The following ZNF385D variants were observed in gnomAD, a reference collection of about 807,000 sequenced individuals.
ZNF385D encodes the protein zinc finger protein 385D.
Under a neutral mutation model 35.8 loss-of-function variants are expected in ZNF385D, and 15 were observed. The observed-to-expected ratio is 0.42, with a 90% CI of 0.28 to 0.64. ZNF385D has a LOEUF of 0.64. Ranked by LOEUF, ZNF385D falls within the 30% of genes least tolerant of loss-of-function variation. The pLI, the probability that ZNF385D is intolerant of heterozygous loss-of-function variation, is 0.23. For missense variants in ZNF385D, 474 were observed against 494.6 expected (o/e 0.96, Z 0.39); for synonymous variants, 212 against 186.8 (o/e 1.13, Z -1.10).
At chr3:22,025,627 G>A (rs1186387683) in intron 3 of ZNF385D, among the ~76,000 whole-genome samples, 1 of 152,122 alleles carries the variant, frequency 6.6e-6, no homozygotes, top group Non-Finnish European at 1.5e-5. Context: ...TTATTTGCTT[G>A]GTTAGCTGAA....
chr3:21,702,019 C>T (rs2125384594), intron 1 of ZNF385D, among the ~76,000 whole-genome samples: 1 of 152,206 alleles, frequency 6.6e-6, no homozygotes, highest in Middle Eastern at 3.4e-3. Context: ...GGTGGATATG[C>T]CATTCTCGGA....
At chr3:21,959,115 A>C (rs3821388) in intron 3 of ZNF385D, among the ~76,000 whole-genome samples, 103,951 of 152,062 alleles carry the variant, frequency 0.68, 36,688 homozygotes, top group Non-Finnish European at 0.77. Context: ...CATAAATGTC[A>C]TTGCACTTAA....
intron 2 of ZNF385D, among the ~76,000 whole-genome samples, chr3:21,614,380 A>AT (rs919398554): frequency 6.6e-6 from 1 of 152,184 alleles, no homozygotes; most frequent in African/African-American, 2.4e-5. Context: ...TAAGGAGCTC[A>AT]TTTCAATTTA....
chr3:22,178,639 A>G (rs1313833259), intron 2 of ZNF385D, among the ~76,000 whole-genome samples: 2 of 152,130 alleles, frequency 1.3e-5, no homozygotes, highest in Admixed American at 6.6e-5. Flanking sequence ...TTGGTGTTTT[A>G]GACATGAAGT....
chr3:21,779,408 AG>A (rs796871559), intron 3 of ZNF385D, among the ~76,000 whole-genome samples: 3 of 152,022 alleles, frequency 2.0e-5, no homozygotes, highest in African/African-American at 4.8e-5. Context: ...TAAAAATGTG[AG>A]GAAAAAAACA....
intron 1 of ZNF385D, among the ~76,000 whole-genome samples, chr3:21,737,840 G>C (rs749212898): frequency 6.6e-6 from 1 of 152,178 alleles, no homozygotes; most frequent in Non-Finnish European, 1.5e-5. Context: ...AAAGAAGACT[G>C]TTGCTCCATT....
intron 1 of ZNF385D, among the ~76,000 whole-genome samples, chr3:21,690,594 T>C (rs11710740): frequency 0.071 from 10,737 of 152,238 alleles, 469 homozygotes; most frequent in East Asian, 0.12. Flanking sequence ...CAGAGTCCTC[T>C]TTCTTTATCT....
At chr3:21,529,263 T>A (rs1436733105) in intron 3 of ZNF385D, among the ~76,000 whole-genome samples, 2 of 152,158 alleles carry the variant, frequency 1.3e-5, no homozygotes, top group African/African-American at 4.8e-5. Context: ...CACAGTGCAA[T>A]CGAATTTTGG....
chr3:21,685,425 G>T (rs1308679746), intron 1 of ZNF385D, among the ~76,000 whole-genome samples: 1 of 152,240 alleles, frequency 6.6e-6, no homozygotes, highest in East Asian at 1.9e-4. Flanking sequence ...AGCAGAAGTG[G>T]CAGACTCGTA....
intron 3 of ZNF385D, among the ~76,000 whole-genome samples, chr3:21,835,345 C>G (rs1695266662): frequency 6.6e-6 from 1 of 151,696 alleles, no homozygotes; most frequent in Admixed American, 6.6e-5. Flanking sequence ...GGCTCACGAT[C>G]CTTCCATTGT....
intron 4 of ZNF385D, among the ~76,000 whole-genome samples, chr3:21,452,220 C>T (rs1702502460): frequency 6.6e-6 from 1 of 151,992 alleles, no homozygotes. Context: ...TAACTGTAAT[C>T]ATTTAAAACA....
intron 3 of ZNF385D, among the ~76,000 whole-genome samples, chr3:22,149,554 T>C (rs1263706462): frequency 6.6e-6 from 1 of 152,184 alleles, no homozygotes; most frequent in Non-Finnish European, 1.5e-5. Context: ...ATAATTGAAT[T>C]TCACCAGGTA....
At chr3:21,744,269 G>T (rs565854549) in intron 1 of ZNF385D, among the ~76,000 whole-genome samples, 1 of 152,284 alleles carries the variant, frequency 6.6e-6, no homozygotes, top group Admixed American at 6.5e-5. Context: ...AATACAAATT[G>T]CTATACAAGT....
intron 3 of ZNF385D, among the ~76,000 whole-genome samples, chr3:22,160,553 G>C (rs1230231526): frequency 6.6e-6 from 1 of 151,972 alleles, no homozygotes; most frequent in Non-Finnish European, 1.5e-5. Flanking sequence ...ATCTTCTGGG[G>C]CAATCAATGG....
intron 3 of ZNF385D, among the ~76,000 whole-genome samples, chr3:22,040,599 G>C (rs34120404): frequency 0.051 from 7,774 of 152,278 alleles, 276 homozygotes; most frequent in Middle Eastern, 0.13. Flanking sequence ...TATTAAATGT[G>C]TAGTCTCAGA....
intron 2 of ZNF385D, among the ~76,000 whole-genome samples, chr3:22,303,934 C>T (rs929143767): frequency 1.1e-4 from 16 of 152,180 alleles, no homozygotes; most frequent in African/African-American, 2.2e-4. Context: ...TGTGCCACCA[C>T]GCCCGGCTAA....
At chr3:21,640,303 A>C (rs538104384) in intron 2 of ZNF385D, among the ~76,000 whole-genome samples, 132 of 152,218 alleles carry the variant, frequency 8.7e-4, no homozygotes, top group South Asian at 2.1e-3. Flanking sequence ...TGACTAAAGA[A>C]AAGTGTGAAA....
chr3:22,334,931 T>C (rs73039283), intron 2 of ZNF385D, among the ~76,000 whole-genome samples: 2,783 of 152,238 alleles, frequency 0.018, 58 homozygotes, highest in Non-Finnish European at 0.025. Flanking sequence ...TTCATGATAG[T>C]TTTCAATATC....
intron 2 of ZNF385D, among the ~76,000 whole-genome samples, chr3:22,289,531 C>T (rs1477197200): frequency 5.3e-5 from 8 of 152,294 alleles, no homozygotes; most frequent in Non-Finnish European, 8.8e-5. Context: ...CCTCAACCAA[C>T]AGCTGAAAAA....
Sources: allele counts gnomAD v4.1 joint callset (sites outside exome capture counted in the v4.1 genomes callset), GRCh38; gene constraint gnomAD v4.1.1; transcripts MANE v1.5; gene names NCBI Gene and HGNC (gene_info 2026-07-23, HGNC 2026-07-21).